RABGAP1L: variants seen among roughly 807,000 people sequenced by gnomAD.
RABGAP1L encodes RAB GTPase activating protein 1 like.
Under a neutral mutation model 137.7 loss-of-function variants are expected in RABGAP1L, and 63 were observed. That is an observed-to-expected ratio of 0.46 (90% CI 0.37 to 0.56). The LOEUF (loss-of-function observed/expected upper bound fraction) is 0.56, where lower values mean the gene tolerates loss of function less well. Among genes scored for constraint, RABGAP1L ranks in the 20% least tolerant of loss-of-function variants. The pLI, the probability that RABGAP1L is intolerant of heterozygous loss-of-function variation, is 0.00. For missense variants in RABGAP1L, 1,095 were observed against 1,244.0 expected (o/e 0.88, Z 1.80); for synonymous variants, 431 against 433.7 (o/e 0.99, Z 0.08).
chr1:174,761,308 A>G lies in RABGAP1L; in HGVS notation c.2211+8954A>G, dbSNP rs188397560. ...CAGAAAGATCACACACAAGACTGCC[A>G]CTTCACACTTGGATGGTTGCACAGC... On this transcript the variant is annotated intron_variant, in intron 18 of 25. Coordinates refer to ENST00000681986, the MANE Select transcript of RABGAP1L (RefSeq NM_001366446.1). This position sits in a 1 kb window ranked among gnomAD's most constrained non-coding sequence, Gnocchi z 4.0. 9.1e-4 allele frequency among the ~76,000 whole-genome samples: 138 copies of G among 152,380 alleles called. 1 individual carries two copies. The highest frequency in any genetic ancestry group is 3.1e-3 in the African/African-American group (130 of 41,596).
intron 19 of RABGAP1L, among the ~76,000 whole-genome samples, chr1:174,895,776 C>T (rs1490276678): frequency 1.3e-5 from 2 of 152,154 alleles, no homozygotes; most frequent in East Asian, 1.9e-4. Context: ...ATGAACTCAT[C>T]CTTTTTTGTG....
At chr1:174,421,663 A>G (rs1651309044) in intron 13 of RABGAP1L, among the ~76,000 whole-genome samples, 1 of 152,212 alleles carries the variant, frequency 6.6e-6, no homozygotes, top group Non-Finnish European at 1.5e-5. Context: ...TCACTGGACT[A>G]CTGAGTTGAC....
At chr1:174,590,348 A>ATTTTTTTTTTTTTTTTTTTTT (rs1235238656) in intron 13 of RABGAP1L, among the ~76,000 whole-genome samples, 1 of 101,502 alleles carries the variant, frequency 9.9e-6, no homozygotes, top group African/African-American at 3.7e-5. Context: ...TTTTTTTTTT[A>ATTTTTTTTTTTTTTTTTTTTT]TTTATTTTTT....
At chr1:174,964,187 A>G (rs1285093449) in intron 20 of RABGAP1L, among the ~76,000 whole-genome samples, 1 of 152,174 alleles carries the variant, frequency 6.6e-6, no homozygotes, top group African/African-American at 2.4e-5. Context: ...AAAAGAAAAT[A>G]TGTGAGAGTT....
intron 13 of RABGAP1L, among the ~76,000 whole-genome samples, chr1:174,457,997 G>C (rs1019595513): frequency 3.9e-5 from 6 of 152,068 alleles, no homozygotes; most frequent in Admixed American, 6.5e-5. Context: ...TATTTATCAG[G>C]TTGCTATTGT....
intron 13 of RABGAP1L, among the ~76,000 whole-genome samples, chr1:174,469,889 A>G (rs1406695431): frequency 1.3e-5 from 2 of 152,106 alleles, no homozygotes; most frequent in Non-Finnish European, 2.9e-5. Flanking sequence ...CACTGCCAAA[A>G]ATGCTTTACC....
intron 20 of RABGAP1L, among the ~76,000 whole-genome samples, chr1:174,959,838 G>A (rs1007234384): frequency 1.3e-5 from 2 of 152,212 alleles, no homozygotes; most frequent in Non-Finnish European, 2.9e-5. Flanking sequence ...AACATATTTG[G>A]TTTGTAAGAT....
chr1:174,534,775 C>CAAAAAAAAAAAAAAAAAAAAAAAAA lies in RABGAP1L; in HGVS notation c.1711-102595_1711-102571dup, dbSNP rs71117567. ...GGATGACAGAGCGAAACTCTGTCTC[C>CAAAAAAAAAAAAAAAAAAAAAAAAA]AAAAAAAAAAAAAAAAAAAAAAAAA... On this transcript the variant is annotated intron_variant, in intron 13 of 25. Coordinates refer to ENST00000681986, the MANE Select transcript of RABGAP1L (RefSeq NM_001366446.1). Among the ~76,000 whole-genome samples the CAAAAAAAAAAAAAAAAAAAAAAAAA allele has an allele frequency of 2.8e-4, 20 of 71,624 alleles. 1 individual carries two copies. The highest frequency in any genetic ancestry group is 7.7e-4 in the East Asian group (1 of 1,300). The allele number at this position is 71,624 out of a possible 152,430, so 47.0% of individuals were successfully genotyped here. A position where few individuals can be genotyped will look rare whatever the true frequency, so the allele number is the denominator to read the frequency against.
chr1:174,346,379 T>A (rs1682429666), intron 11 of RABGAP1L, among the ~76,000 whole-genome samples: 1 of 152,196 alleles, frequency 6.6e-6, no homozygotes, highest in African/African-American at 2.4e-5. Context: ...CCTGGACTTT[T>A]CTTTGCTGAA....
intron 19 of RABGAP1L, among the ~76,000 whole-genome samples, chr1:174,836,030 T>C (rs181305351): frequency 1.3e-5 from 2 of 152,334 alleles, no homozygotes. Flanking sequence ...ATCTGAACTT[T>C]GCATAAACAA....
intron 1 of RABGAP1L, among the ~76,000 whole-genome samples, chr1:174,211,272 A>G (rs2148431831): frequency 6.6e-6 from 1 of 152,260 alleles, no homozygotes; most frequent in South Asian, 2.1e-4. Flanking sequence ...AAAAATAATA[A>G]CTGCAACAAC....
At chr1:174,186,079 G>GA (rs1290126378) in intron 1 of RABGAP1L, among the ~76,000 whole-genome samples, 1 of 151,776 alleles carries the variant, frequency 6.6e-6, no homozygotes, top group East Asian at 1.9e-4. Flanking sequence ...GGGAGGCGGA[G>GA]GTTGCGGTGA....
intron 13 of RABGAP1L, among the ~76,000 whole-genome samples, chr1:174,415,884 T>A (rs1351810844): frequency 1.3e-5 from 2 of 151,892 alleles, no homozygotes; most frequent in African/African-American, 4.8e-5. Context: ...TTTGACTCAT[T>A]CAGTCTTATA....
intron 18 of RABGAP1L, among the ~76,000 whole-genome samples, chr1:174,768,081 T>G (rs1029279433): frequency 7.2e-5 from 11 of 152,162 alleles, no homozygotes; most frequent in Admixed American, 5.2e-4. Context: ...GAGATTTGGG[T>G]GGGGACACAA....
chr1:174,649,568 C>G (rs989883541), intron 14 of RABGAP1L, among the ~76,000 whole-genome samples: 2 of 152,052 alleles, frequency 1.3e-5, no homozygotes, highest in African/African-American at 4.8e-5. Context: ...CAGAGAGATC[C>G]GCTGTTAGTC....
At chr1:174,879,108 T>G (rs1358778795) in intron 19 of RABGAP1L, among the ~76,000 whole-genome samples, 5 of 150,738 alleles carry the variant, frequency 3.3e-5, no homozygotes, top group Non-Finnish European at 5.9e-5. Flanking sequence ...CTGTTTTTTT[T>G]TTTTTTTTTT....
intron 11 of RABGAP1L, among the ~76,000 whole-genome samples, chr1:174,322,287 T>C (rs1558131150): frequency 1.3e-5 from 2 of 152,040 alleles, no homozygotes; most frequent in Non-Finnish European, 2.9e-5. Context: ...TTTTTTGGCT[T>C]AAAAAACAGA....
At chr1:174,869,453 G>T (rs999950400) in intron 19 of RABGAP1L, among the ~76,000 whole-genome samples, 2 of 152,096 alleles carry the variant, frequency 1.3e-5, no homozygotes, top group Non-Finnish European at 2.9e-5. Context: ...TGTGAAGAAG[G>T]TCCTTGCTTC....
At chr1:174,180,595 G>T (rs528055746) in intron 1 of RABGAP1L, among the ~76,000 whole-genome samples, 1 of 152,204 alleles carries the variant, frequency 6.6e-6, no homozygotes, top group South Asian at 2.1e-4. Context: ...CTCCCAAGTG[G>T]CTGGGACTGA....
Sources: gnomAD v4.1 joint callset for allele counts (sites outside exome capture counted in the v4.1 genomes callset) on GRCh38, gnomAD v4.1.1 for gene constraint, Gnocchi (gnomAD v3.1) non-coding constraint, MANE v1.5 for transcripts, NCBI Gene and HGNC (gene_info 2026-07-23, HGNC 2026-07-21) for gene names.